The following TEX10 variants were observed in gnomAD, a reference collection of about 807,000 sequenced individuals.
TEX10 encodes the protein testis expressed 10, also known as testis-expressed protein 10.
In TEX10, 24 loss-of-function variants were observed where a neutral mutation model predicts 104.4. The observed-to-expected ratio is 0.23, with a 90% CI of 0.17 to 0.32. The LOEUF (loss-of-function observed/expected upper bound fraction) is 0.32, where lower values mean the gene tolerates loss of function less well. Among genes scored for constraint, TEX10 ranks in the 10% least tolerant of loss-of-function variants. The pLI is 1.00. For missense variants in TEX10, 921 were observed against 1,083.9 expected (o/e 0.85, Z 2.11); for synonymous variants, 396 against 393.4 (o/e 1.01, Z -0.08).
chr9:100,308,381 T>C, intron 13 of TEX10, 119 bp downstream of exon 13: 1 of 793,904 alleles, frequency 1.3e-6, no homozygotes, highest in Non-Finnish European at 1.8e-6. Flanking sequence ...ACACAAACTC[T>C]CTGAAACAGA....
intron 4 of TEX10, among the ~76,000 whole-genome samples, chr9:100,340,871 T>C (rs566211161): frequency 1.3e-5 from 2 of 152,322 alleles, no homozygotes; most frequent in South Asian, 4.1e-4. Flanking sequence ...TATTTCCTCT[T>C]ATCCAAGGTA....
chr9:100,311,520 T>G (rs1834281564), intron 11 of TEX10, among the ~76,000 whole-genome samples: 2 of 152,200 alleles, frequency 1.3e-5, no homozygotes, highest in South Asian at 4.1e-4. Flanking sequence ...CAGAAAGATC[T>G]GAGTGATATG....
At chr9:100,326,606 A>G (rs1834711010) in intron 8 of TEX10, 127 bp from the exon 9 acceptor site, 1 of 874,816 alleles carries the variant, frequency 1.1e-6, no homozygotes, top group Non-Finnish European at 1.7e-6. Flanking sequence ...ATGAATATCA[A>G]TTACATAAAA....
intron 1 of TEX10, 102 bp from the exon 2 acceptor site, chr9:100,349,474 G>T: frequency 1.5e-6 from 1 of 675,202 alleles, no homozygotes; most frequent in Non-Finnish European, 2.2e-6. Context: ...TATTTCAATC[G>T]TAATCAAGAA....
At chr9:100,314,999 G>A (rs760214839) in intron 11 of TEX10, among the ~76,000 whole-genome samples, 21 of 152,090 alleles carry the variant, frequency 1.4e-4, no homozygotes, top group African/African-American at 2.7e-4. Flanking sequence ...GCACGTCATC[G>A]TTCAGGTGTA....
intron 4 of TEX10, among the ~76,000 whole-genome samples, chr9:100,341,603 T>C (rs558499957): frequency 6.6e-6 from 1 of 152,270 alleles, no homozygotes; most frequent in Non-Finnish European, 1.5e-5. Context: ...TTTCAACCAC[T>C]AGATACCCGG....
chr9:100,347,392 C>T lies in TEX10; in HGVS notation c.195G>A (p.Gln65=). ...RKLNIKDLLS[Q]MHHYNAGVKQ... ...TAACCCCAGCATTGTAGTGATGCAT[C>T]TGTGACAGCAAATCCTATAAATAAA... is the stretch of plus-strand genomic sequence containing the variant. Residue 65 remains glutamine (Q), a synonymous_variant, in exon 3 of 15, where the codon CAG becomes CAA. Coordinates refer to ENST00000374902, the MANE Select transcript of TEX10 (RefSeq NM_017746.4). 3 of 1,574,442 alleles carry T rather than the reference C, an allele frequency of 1.9e-6. No individual in the cohort carries two copies. The highest frequency in any genetic ancestry group is 2.6e-6 in the Non-Finnish European group (3 of 1,163,200).
At position 100,327,906 on chromosome 9, in the gene TEX10, T is replaced by C; in HGVS notation, c.1682A>G (p.His561Arg). 6.3e-7 allele frequency: 1 copy of C among 1,598,966 alleles called. No homozygotes were observed. The change falls in exon 8 of 15, where the codon CAT becomes CGT. Residue 561 changes from histidine to arginine, a missense_variant. His to Arg is a conservative substitution (Grantham distance 29). This residue lies in a region of TEX10 where 753 missense variants were observed against 868.4 expected (regional missense o/e 0.87). Coordinates refer to ENST00000374902, the MANE Select transcript of TEX10 (RefSeq NM_017746.4). Reference sequence around the variant, plus strand: ...GAGCTCAGGATTTCGGGAGCCAAGATGAGCAAGTTGCAATGGTAAGCCAGC... The same window carrying C: ...GAGCTCAGGATTTCGGGAGCCAAGACGAGCAAGTTGCAATGGTAAGCCAGC... The part of the protein sequence containing the change: ...WLAGLPLQLA[H>R]LGSRNPELST...
At chr9:100,321,189 T>C (rs909060432) in intron 10 of TEX10, among the ~76,000 whole-genome samples, 21 of 152,170 alleles carry the variant, frequency 1.4e-4, no homozygotes, top group Admixed American at 1.3e-3. Context: ...AGTAAACATA[T>C]AGGAGCTTAC....
Position 100,304,241 on chromosome 9 carries a change from A to C in TEX10, c.2466-399T>G, listed in dbSNP as rs373882783. ...AACATCATTCTTCACACAATTAAAAAAAAATATTCTAAAATTCACATGGAA... is the reference window on the plus strand; with the variant it reads ...AACATCATTCTTCACACAATTAAAACAAAATATTCTAAAATTCACATGGAA... On this transcript the variant is annotated intron_variant, in intron 13 of 14. Coordinates refer to ENST00000374902, the MANE Select transcript of TEX10 (RefSeq NM_017746.4). 3.1e-5 allele frequency: 7 copies of C among 223,886 alleles called. No individual in the cohort carries two copies. In the South Asian group the frequency reaches 4.9e-4, roughly 16 times the overall value. 13.9% of individuals were successfully genotyped at this position (223,886 alleles called of 1,614,324 possible). A position where few individuals can be genotyped will look rare whatever the true frequency, so the allele number is the denominator to read the frequency against.
At chr9:100,336,838 T>C (rs1220710377) in intron 5 of TEX10, among the ~76,000 whole-genome samples, 1 of 152,182 alleles carries the variant, frequency 6.6e-6, no homozygotes, top group African/African-American at 2.4e-5. Context: ...ATTTGCTAAG[T>C]ATTTAATGCA....
chr9:100,351,473 A>G (rs1835447502), intron 1 of TEX10, among the ~76,000 whole-genome samples: 1 of 152,124 alleles, frequency 6.6e-6, no homozygotes, highest in Non-Finnish European at 1.5e-5. Context: ...CTTTTAATAC[A>G]AAAATGGTTT....
intron 1 of TEX10, among the ~76,000 whole-genome samples, chr9:100,351,799 G>A (rs1454349146): frequency 1.3e-5 from 2 of 152,286 alleles, no homozygotes; most frequent in Middle Eastern, 3.4e-3. Context: ...ATTTTCATGC[G>A]AAGAACTCTC....
chr9:100,306,839 T>G (rs113284174), intron 13 of TEX10: 1 of 152,216 alleles, frequency 6.6e-6, no homozygotes, highest in Non-Finnish European at 1.5e-5. Context: ...TCCAGCCACA[T>G]GAAGTCAAAG....
rs537792822 is a variant in TEX10, at chr9:100,326,155, T to C, written c.1979+147A>G. On this transcript the variant is annotated intron_variant, in intron 9 of 14. Transcript: ENST00000374902. ...AACAGTCTTACTCTTGTGAACTTAC[T>C]CTACCTAGTGATATAGTTTTAATTG... 7 of 778,352 alleles carry C rather than the reference T, an allele frequency of 9.0e-6. No individual in the cohort carries two copies. In the East Asian group the frequency reaches 2.0e-4, roughly 22 times the overall value. 48.2% of individuals were successfully genotyped at this position (778,352 alleles called of 1,614,324 possible).
intron 11 of TEX10, among the ~76,000 whole-genome samples, chr9:100,313,156 A>C (rs1358082757): frequency 6.6e-6 from 1 of 152,222 alleles, no homozygotes; most frequent in African/African-American, 2.4e-5. Context: ...TTCATGAAAA[A>C]ATGAAATCAA....
chr9:100,315,908 A>C (rs1434193960), intron 11 of TEX10, among the ~76,000 whole-genome samples: 1 of 152,186 alleles, frequency 6.6e-6, no homozygotes, highest in Non-Finnish European at 1.5e-5. Context: ...TATTCTCCCG[A>C]AGACTGCTAG....
rs1394362097 is a variant in TEX10, at chr9:100,340,328, G to T, written c.1179C>A (p.His393Gln). 2 of 1,571,710 alleles carry T rather than the reference G, an allele frequency of 1.3e-6. No individual in the cohort carries two copies. The highest frequency in any genetic ancestry group is 8.6e-7 in the Non-Finnish European group (1 of 1,165,658). ...CATATGGAAAACGACTCATAAAATG[G>T]TGTTTAAAATCAATAAGGTAGTTCT... ...LRKNYLIDFK[H>Q]HFMSRFPYVL... The change falls in exon 5 of 15, where the codon CAC becomes CAA. Residue 393 changes from histidine (H) to glutamine (Q), a missense_variant. Transcript: ENST00000374902.
intron 11 of TEX10, among the ~76,000 whole-genome samples, chr9:100,315,973 A>C (rs1041184009): frequency 6.6e-6 from 1 of 152,194 alleles, no homozygotes; most frequent in African/African-American, 2.4e-5. Context: ...GTTTTCATCA[A>C]TTACTTTGTT....
Sources: allele counts gnomAD v4.1 joint callset (sites outside exome capture counted in the v4.1 genomes callset), GRCh38; gene constraint gnomAD v4.1.1; regional missense constraint gnomAD v4.1.1; transcripts MANE v1.5; gene names NCBI Gene and HGNC (gene_info 2026-07-23, HGNC 2026-07-21).